The following NOS1AP variants were observed in gnomAD, a reference collection of about 807,000 sequenced individuals.
NOS1AP encodes carboxyl-terminal PDZ ligand of neuronal nitric oxide synthase protein.
In NOS1AP, 21 loss-of-function variants were observed where a neutral mutation model predicts 56.2. The ratio of observed to expected loss-of-function variants is 0.37; its 90% CI spans 0.26 to 0.54. The LOEUF (loss-of-function observed/expected upper bound fraction) is 0.54. Ranked by LOEUF, NOS1AP falls within the 20% of genes least tolerant of loss-of-function variation. NOS1AP has a pLI of 0.84. For missense variants in NOS1AP, 522 were observed against 657.8 expected, an observed-to-expected ratio of 0.79 and a Z score of 2.26; for synonymous variants, 270 against 274.6, an observed-to-expected ratio of 0.98 and a Z score of 0.17.
At chr1:162,113,172 C>A (rs1295494220) in intron 1 of NOS1AP, among the ~76,000 whole-genome samples, 1 of 152,158 alleles carries the variant, frequency 6.6e-6, no homozygotes, top group Non-Finnish European at 1.5e-5. Flanking sequence ...GAAGCCTACA[C>A]CTCTTCTCCT....
At chr1:162,305,168 A>G (rs1655782464) in intron 4 of NOS1AP, among the ~76,000 whole-genome samples, 1 of 152,224 alleles carries the variant, frequency 6.6e-6, no homozygotes, top group East Asian at 1.9e-4. Context: ...CATTTTAACC[A>G]TTTTTTAAGC....
intron 2 of NOS1AP, among the ~76,000 whole-genome samples, chr1:162,253,079 C>T (rs115986274): frequency 2.7e-3 from 417 of 152,254 alleles, no homozygotes; most frequent in African/African-American, 9.7e-3. Context: ...GAGGTGAGAC[C>T]TTTAAGAGGT....
chr1:162,162,300 C>T (rs1650257925), intron 2 of NOS1AP, among the ~76,000 whole-genome samples: 1 of 152,154 alleles, frequency 6.6e-6, no homozygotes, highest in Admixed American at 6.5e-5. Context: ...GCACTTTGCA[C>T]AGTCATGAGT....
chr1:162,133,022 A>C (rs1384119693), intron 1 of NOS1AP, among the ~76,000 whole-genome samples: 1 of 152,202 alleles, frequency 6.6e-6, no homozygotes, highest in East Asian at 1.9e-4. Flanking sequence ...AGTGAGGTCC[A>C]GTGTGATAGT....
At chr1:162,302,518 GC>G (rs1655699702) in intron 4 of NOS1AP, among the ~76,000 whole-genome samples, 1 of 152,108 alleles carries the variant, frequency 6.6e-6, no homozygotes, top group South Asian at 2.1e-4. Flanking sequence ...CTTAATGCTG[GC>G]ACCATATATG....
chr1:162,335,596 T>C (rs1656912718), intron 5 of NOS1AP, among the ~76,000 whole-genome samples: 1 of 152,114 alleles, frequency 6.6e-6, no homozygotes, highest in African/African-American at 2.4e-5. Flanking sequence ...ATAGAGGACA[T>C]GTGTGTTGCA....
chr1:162,259,822 T>C (rs1654152117), intron 2 of NOS1AP, among the ~76,000 whole-genome samples: 1 of 152,208 alleles, frequency 6.6e-6, no homozygotes. Flanking sequence ...GATTGCATTA[T>C]AGAAAGAAAT....
chr1:162,160,250 G>A (rs1650144645), intron 2 of NOS1AP, among the ~76,000 whole-genome samples: 1 of 152,180 alleles, frequency 6.6e-6, no homozygotes, highest in Non-Finnish European at 1.5e-5. Flanking sequence ...GGTTTCTCAA[G>A]TGTGGCACTC....
chr1:162,343,246 G>A (rs1416618956), intron 5 of NOS1AP, among the ~76,000 whole-genome samples: 1 of 152,190 alleles, frequency 6.6e-6, no homozygotes, highest in Non-Finnish European at 1.5e-5. Flanking sequence ...AAAGGAAGGA[G>A]CCACAGAATA....
chr1:162,280,965 C>T (rs1654904715), intron 2 of NOS1AP, among the ~76,000 whole-genome samples: 1 of 152,182 alleles, frequency 6.6e-6, no homozygotes, highest in Admixed American at 6.5e-5. Flanking sequence ...TTCTCAGGAA[C>T]CCTGCCCCCA....
intron 2 of NOS1AP, among the ~76,000 whole-genome samples, chr1:162,194,808 A>G (rs950697581): frequency 6.6e-6 from 1 of 152,208 alleles, no homozygotes; most frequent in African/African-American, 2.4e-5. Flanking sequence ...TCTAGGAAGT[A>G]GAACTTCATT....
At chr1:162,072,107 T>TAGATAGAC (rs1472538708) in intron 1 of NOS1AP, among the ~76,000 whole-genome samples, 4 of 150,616 alleles carry the variant, frequency 2.7e-5, no homozygotes, top group African/African-American at 9.7e-5. Context: ...GATAGATAGA[T>TAGATAGAC]AGATAGAAAG....
rs543265395 is a variant in NOS1AP at position 162,175,377 on chromosome 1, A to G, written c.177+20901A>G. ...CATGGATATTTGTTTTATACCTTGT[A>G]TTATAAGTACTTCTTTATTTCATTG... On this transcript the variant is annotated intron_variant, in intron 2 of 9. Coordinates refer to ENST00000361897, the MANE Select transcript of NOS1AP (RefSeq NM_014697.3). Among the ~76,000 whole-genome samples, 5 of 152,276 alleles carry G rather than the reference A, an allele frequency of 3.3e-5. No homozygotes were observed. The East Asian group carries it at 9.6e-4, about 29-fold the overall frequency.
intron 2 of NOS1AP, among the ~76,000 whole-genome samples, chr1:162,238,772 G>A (rs751636034): frequency 2.0e-5 from 3 of 152,124 alleles, no homozygotes; most frequent in Non-Finnish European, 2.9e-5. Context: ...TGATAACAGT[G>A]AATTGTTACA....
At chr1:162,230,545 T>C (rs1380394059) in intron 2 of NOS1AP, among the ~76,000 whole-genome samples, 1 of 152,214 alleles carries the variant, frequency 6.6e-6, no homozygotes, top group Admixed American at 6.5e-5. Context: ...AAATTTACCA[T>C]CTTCACCATT....
intron 1 of NOS1AP, among the ~76,000 whole-genome samples, chr1:162,108,676 G>C (rs1647600480): frequency 2.0e-5 from 3 of 151,912 alleles, no homozygotes; most frequent in Admixed American, 2.0e-4. Flanking sequence ...TTGCCAAAAA[G>C]ATTGCCTAAT....
intron 1 of NOS1AP, among the ~76,000 whole-genome samples, chr1:162,139,417 G>A (rs182312632): frequency 1.3e-5 from 2 of 152,224 alleles, no homozygotes; most frequent in Non-Finnish European, 2.9e-5. Context: ...CAGATAGCCT[G>A]TGAATGGGAA....
intron 1 of NOS1AP, among the ~76,000 whole-genome samples, chr1:162,081,480 T>C (rs922408080): frequency 1.7e-4 from 25 of 151,492 alleles, no homozygotes; most frequent in African/African-American, 4.6e-4. Flanking sequence ...TGCCTGTGCA[T>C]TTCCTGTCCA....
intron 4 of NOS1AP, among the ~76,000 whole-genome samples, chr1:162,320,503 C>T (rs556691697): frequency 2.6e-5 from 4 of 152,314 alleles, no homozygotes; most frequent in African/African-American, 9.6e-5. Context: ...AGGGTCCTTA[C>T]ATGCTGCCTT....
Sources: allele counts gnomAD v4.1 joint callset (sites outside exome capture counted in the v4.1 genomes callset), GRCh38; gene constraint gnomAD v4.1.1; transcripts MANE v1.5; gene names NCBI Gene and HGNC (gene_info 2026-07-23, HGNC 2026-07-21).